EXOC4: variants seen among roughly 807,000 people sequenced by gnomAD.
The protein encoded by EXOC4 is exocyst complex component 4, also known as SEC8-like 1.
A neutral mutation model predicts 107.2 loss-of-function variants in EXOC4; 71 were observed. That is an observed-to-expected ratio of 0.66 (90% CI 0.55 to 0.81). The LOEUF is 0.81. EXOC4 is among the 30% of genes least tolerant of loss of function. The probability of loss-of-function intolerance (pLI) is 0.00; values close to 1 mark genes in which losing one functional copy is unlikely to be tolerated. For synonymous variants in EXOC4, 456 were observed against 441.2 expected, an observed-to-expected ratio of 1.03 and a Z score of -0.42; for missense variants, 1,108 against 1,189.6, an observed-to-expected ratio of 0.93 and a Z score of 1.01.
intron 9 of EXOC4, among the ~76,000 whole-genome samples, chr7:133,601,351 G>A (rs147435438): frequency 8.0e-4 from 122 of 152,116 alleles, no homozygotes; most frequent in African/African-American, 2.7e-3. Flanking sequence ...ATGTATGTAT[G>A]TGTGTGTACA....
At chr7:133,981,248 C>T (rs1370354597) in intron 14 of EXOC4, among the ~76,000 whole-genome samples, 1 of 152,170 alleles carries the variant, frequency 6.6e-6, no homozygotes, top group African/African-American at 2.4e-5. Flanking sequence ...ATGTTATCCA[C>T]ATGGCAGTCA....
intron 12 of EXOC4, among the ~76,000 whole-genome samples, chr7:133,912,558 G>A (rs181738300): frequency 1.3e-5 from 2 of 152,272 alleles, no homozygotes; most frequent in East Asian, 3.9e-4. Flanking sequence ...AGAATAAAAC[G>A]GAAACCATTA....
chr7:133,369,058 C>A (rs4731948), intron 6 of EXOC4, among the ~76,000 whole-genome samples: 150,762 of 152,302 alleles, frequency 0.99, 74,630 homozygotes, highest in Non-Finnish European at 1. Flanking sequence ...AATGATTTCA[C>A]TGGGGCATTG....
In EXOC4 at chr7:133,876,596, G is replaced by A. The variant is rs576231045; in HGVS notation, c.1735-19003G>A. Among the ~76,000 whole-genome samples, 10 of 151,364 alleles carry A rather than the reference G, an allele frequency of 6.6e-5. 1 individual carries two copies. In the South Asian group the frequency reaches 2.1e-3, roughly 32 times the overall value. On this transcript the variant is annotated intron_variant, in intron 11 of 17. Coordinates refer to ENST00000253861, the MANE Select transcript of EXOC4 (RefSeq NM_021807.4). ...TCTTCTTTTTTCTCATGGTACCACA[G>A]TGCAAGCCACCCTAGACTACTGCCA...
chr7:133,643,494 C>G (rs1230654259), intron 10 of EXOC4, among the ~76,000 whole-genome samples: 1 of 152,156 alleles, frequency 6.6e-6, no homozygotes, highest in Non-Finnish European at 1.5e-5. Context: ...TCAATCCAGT[C>G]AAGTTGACAC....
intron 2 of EXOC4, among the ~76,000 whole-genome samples, chr7:133,275,863 G>A (rs531394315): frequency 1.3e-5 from 2 of 151,158 alleles, no homozygotes; most frequent in African/African-American, 4.9e-5. Context: ...GCCTAGGCTG[G>A]AATGCAGTGG....
At chr7:133,861,936 C>G (rs1300731299) in intron 11 of EXOC4, among the ~76,000 whole-genome samples, 3 of 152,148 alleles carry the variant, frequency 2.0e-5, no homozygotes, top group African/African-American at 4.8e-5. Flanking sequence ...CCTTTCATAT[C>G]AAGGTAAGGC....
At chr7:133,644,152 GT>G (rs879300713) in intron 10 of EXOC4, among the ~76,000 whole-genome samples, 2 of 152,180 alleles carry the variant, frequency 1.3e-5, no homozygotes, top group Non-Finnish European at 2.9e-5. Context: ...TGACCTAGAA[GT>G]TTTCTGCTTA....
intron 9 of EXOC4, among the ~76,000 whole-genome samples, chr7:133,506,926 T>A (rs1227534368): frequency 6.6e-6 from 1 of 152,228 alleles, no homozygotes; most frequent in East Asian, 1.9e-4. Flanking sequence ...GACTTTTTTT[T>A]ATTACTGATT....
At chr7:133,912,988 G>A (rs1420251106) in intron 12 of EXOC4, among the ~76,000 whole-genome samples, 3 of 152,074 alleles carry the variant, frequency 2.0e-5, no homozygotes, top group East Asian at 3.9e-4. Context: ...TGGTATAGGG[G>A]TGATGAGGCA....
intron 10 of EXOC4, among the ~76,000 whole-genome samples, chr7:133,797,285 CT>C (rs1380648015): frequency 6.6e-6 from 1 of 152,070 alleles, no homozygotes; most frequent in East Asian, 1.9e-4. Context: ...GCATATGTTA[CT>C]TTTTACAGGG....
At chr7:133,388,709 C>A (rs1796784510) in intron 7 of EXOC4, among the ~76,000 whole-genome samples, 3 of 152,090 alleles carry the variant, frequency 2.0e-5, no homozygotes, top group African/African-American at 7.2e-5. Context: ...AGTCAGTGTT[C>A]ACATTTCCAG....
chr7:133,975,262 A>G (rs771474278), intron 14 of EXOC4, among the ~76,000 whole-genome samples: 2 of 152,144 alleles, frequency 1.3e-5, no homozygotes, highest in Non-Finnish European at 2.9e-5. Flanking sequence ...GACATAAATG[A>G]TGACACTGAT....
intron 4 of EXOC4, among the ~76,000 whole-genome samples, chr7:133,309,348 A>G (rs1376555780): frequency 6.6e-6 from 1 of 152,204 alleles, no homozygotes; most frequent in Non-Finnish European, 1.5e-5. Context: ...ATAAAGTTGA[A>G]TGGAGAAGAG....
At chr7:133,975,748 C>T (rs752104430) in intron 14 of EXOC4, among the ~76,000 whole-genome samples, 25 of 14,156 alleles carry the variant, frequency 1.8e-3, no homozygotes, top group Admixed American at 0.016. Context: ...TGCGTGTGCA[C>T]ACACACACAC....
At chr7:133,653,578 C>T (rs1803214584) in intron 10 of EXOC4, among the ~76,000 whole-genome samples, 4 of 152,328 alleles carry the variant, frequency 2.6e-5, no homozygotes, top group South Asian at 4.1e-4. Flanking sequence ...TCTGGGTCTT[C>T]AGCTCTGCAA....
intron 3 of EXOC4, among the ~76,000 whole-genome samples, chr7:133,302,513 A>T (rs527674962): frequency 6.6e-6 from 1 of 152,316 alleles, no homozygotes; most frequent in Non-Finnish European, 1.5e-5. Context: ...TCTAACTTAA[A>T]GAAACTGTGA....
intron 17 of EXOC4, among the ~76,000 whole-genome samples, chr7:134,023,559 T>A (rs561783212): frequency 2.0e-5 from 3 of 152,200 alleles, no homozygotes; most frequent in Non-Finnish European, 4.4e-5. Flanking sequence ...ACGAATTAAC[T>A]TTTTCATTTT....
chr7:133,951,834 A>G (rs967554942), intron 14 of EXOC4, among the ~76,000 whole-genome samples: 1 of 152,210 alleles, frequency 6.6e-6, no homozygotes, highest in Non-Finnish European at 1.5e-5. Context: ...GTGAACTTGT[A>G]TGTCAGCATA....
Sources: allele counts gnomAD v4.1 joint callset (sites outside exome capture counted in the v4.1 genomes callset), GRCh38; gene constraint gnomAD v4.1.1; transcripts MANE v1.5; gene names NCBI Gene and HGNC (gene_info 2026-07-23, HGNC 2026-07-21).